The following ZFPM2 variants were observed in gnomAD, a reference collection of about 807,000 sequenced individuals.
ZFPM2 encodes zinc finger protein ZFPM2.
In ZFPM2, 20 loss-of-function variants were observed where a neutral mutation model predicts 98.6. The ratio of observed to expected loss-of-function variants is 0.20; its 90% CI spans 0.14 to 0.29. The LOEUF (loss-of-function observed/expected upper bound fraction) is 0.29. ZFPM2 is among the 10% of genes least tolerant of loss of function. The pLI, the probability that ZFPM2 is intolerant of heterozygous loss-of-function variation, is 1.00. For missense variants in ZFPM2, 1,310 were observed against 1,388.6 expected, an observed-to-expected ratio of 0.94 and a Z score of 0.90; for synonymous variants, 518 against 502.7, an observed-to-expected ratio of 1.03 and a Z score of -0.41.
In ZFPM2 at chr8:105,776,435, C is replaced by A. The variant is rs544052773; in HGVS notation, c.533-12283C>A. On this transcript the variant is annotated intron_variant, in intron 5 of 7. Coordinates refer to ENST00000407775, the MANE Select transcript of ZFPM2 (RefSeq NM_012082.4). ...GATTCTACTTTAAGCTCATTTTCAA[C>A]ATATTTGCTAAAAGAGGATACTGTA... Among the ~76,000 whole-genome samples the A allele has an allele frequency of 2.4e-3, 373 of 152,288 alleles. 1 individual carries two copies. Among genetic ancestry groups the A allele is most frequent in the Non-Finnish European group, 4.0e-3 (274 of 68,022 alleles).
chr8:105,531,955 C>T (rs74395542), intron 3 of ZFPM2, among the ~76,000 whole-genome samples: 12,906 of 152,032 alleles, frequency 0.085, 732 homozygotes, highest in African/African-American at 0.17. Flanking sequence ...GGCTGGAGTG[C>T]AGTGGTGTGA....
At chr8:105,706,724 T>C (rs1822238) in intron 5 of ZFPM2, among the ~76,000 whole-genome samples, 78,081 of 151,668 alleles carry the variant, frequency 0.51, 21,237 homozygotes, top group East Asian at 0.7. Flanking sequence ...GGACTACAGG[T>C]GTGCACCACC....
intron 3 of ZFPM2, among the ~76,000 whole-genome samples, chr8:105,491,950 T>C (rs1813364533): frequency 6.6e-6 from 1 of 152,182 alleles, no homozygotes; most frequent in African/African-American, 2.4e-5. Flanking sequence ...TTGTTGGAAA[T>C]ACAACACAAG....
intron 2 of ZFPM2, among the ~76,000 whole-genome samples, chr8:105,438,412 T>G (rs181605258): frequency 2.3e-4 from 35 of 152,372 alleles, no homozygotes; most frequent in African/African-American, 8.4e-4. Flanking sequence ...AAGAACACTT[T>G]GTATCACTTC....
chr8:105,682,683 C>CA (rs1367298438), intron 5 of ZFPM2, among the ~76,000 whole-genome samples: 1 of 152,098 alleles, frequency 6.6e-6, no homozygotes, highest in Non-Finnish European at 1.5e-5. Flanking sequence ...GGCCAGAACT[C>CA]AGTCATATGC....
intron 4 of ZFPM2, among the ~76,000 whole-genome samples, chr8:105,609,308 G>A (rs867056119): frequency 2.6e-5 from 4 of 152,020 alleles, no homozygotes; most frequent in African/African-American, 9.7e-5. Context: ...AAACAGAAGA[G>A]GAAGGGAGAA....
intron 4 of ZFPM2, among the ~76,000 whole-genome samples, chr8:105,601,351 G>A (rs1023796316): frequency 6.6e-6 from 1 of 152,020 alleles, no homozygotes; most frequent in Non-Finnish European, 1.5e-5. Context: ...AGTCTGTAAG[G>A]GGACTCCAGA....
chr8:105,624,161 C>T (rs1816607771), intron 4 of ZFPM2, among the ~76,000 whole-genome samples: 1 of 152,168 alleles, frequency 6.6e-6, no homozygotes, highest in African/African-American at 2.4e-5. Context: ...TACCACAGCT[C>T]TCTGGATCCC....
intron 1 of ZFPM2, among the ~76,000 whole-genome samples, chr8:105,393,239 C>T (rs1251647405): frequency 6.6e-6 from 1 of 151,902 alleles, no homozygotes; most frequent in African/African-American, 2.4e-5. Flanking sequence ...TAGAAGACAG[C>T]CTAATAAAAA....
rs1300470135 is a variant in ZFPM2 at position 105,801,578 on chromosome 8, CT to C, written c.1497del (p.Gln500SerfsTer18). 1 of 1,613,760 alleles carries C rather than the reference CT, an allele frequency of 6.2e-7. No individual in the cohort carries two copies. Among genetic ancestry groups the C allele is most frequent in the Non-Finnish European group, 8.5e-7 (1 of 1,179,870 alleles). The stretch of plus-strand genomic sequence containing the variant: ...TCTTTCCCTGTGGGCCCTTTCCTAT[CT>C]CAGTTTTCTTTCCCCCAAGATATCA... ...GPSFPVGPFLSQFSFPQDITM... is the reference protein window; with the variant it reads ...GPSFPVGPFLXQFSFPQDITM... On this transcript the variant is annotated frameshift_variant, in exon 8 of 8. Transcript: ENST00000407775. LOFTEE classifies it high-confidence loss of function.
intron 3 of ZFPM2, among the ~76,000 whole-genome samples, chr8:105,496,286 A>G (rs1813465620): frequency 6.6e-6 from 1 of 152,110 alleles, no homozygotes; most frequent in Non-Finnish European, 1.5e-5. Flanking sequence ...TGCTGGGATT[A>G]TGGGCCTGAA....
chr8:105,773,343 C>G (rs964695314), intron 5 of ZFPM2, among the ~76,000 whole-genome samples: 6 of 152,070 alleles, frequency 3.9e-5, no homozygotes, highest in Non-Finnish European at 8.8e-5. Context: ...GGATAGAAAT[C>G]TAGTAACCTT....
rs1813498783 is a variant in ZFPM2, at chr8:105,788,753, T to C, written c.568T>C (p.Ser190Pro). ...QLWCTTTKAI[S>P]EGEELIAFVV... is the part of the protein sequence containing the mutation. ...TTGGTGTACAACTACGAAGGCCATC[T>C]CTGAGGGTGAAGAGCTAATTGCCTT... The change falls in exon 6 of 8, where the codon TCT becomes CCT. Residue 190 changes from serine (S) to proline (P), a missense_variant. Transcript: ENST00000407775. 2.0e-5 allele frequency: 33 copies of C among 1,614,038 alleles called. No homozygotes were observed. The highest frequency in any genetic ancestry group is 2.8e-5 in the Non-Finnish European group (33 of 1,179,880).
chr8:105,646,051 GAAAAA>G (rs33913136), intron 5 of ZFPM2, among the ~76,000 whole-genome samples: 1 of 133,196 alleles, frequency 7.5e-6, no homozygotes. Flanking sequence ...ACTCCATCTG[GAAAAA>G]AAAAAAAAAA....
chr8:105,519,446 G>A (rs1157142), intron 3 of ZFPM2, among the ~76,000 whole-genome samples: 60,457 of 151,712 alleles, frequency 0.4, 14,813 homozygotes, highest in African/African-American at 0.7. Flanking sequence ...TCTCGTACCT[G>A]GGAAAAAGAA....
intron 3 of ZFPM2, among the ~76,000 whole-genome samples, chr8:105,555,109 A>G (rs373272113): frequency 1.3e-5 from 2 of 152,052 alleles, no homozygotes; most frequent in East Asian, 1.9e-4. Context: ...AAGCTATCAT[A>G]AGTCTTTGAG....
At chr8:105,786,554 C>T (rs1489097221) in intron 5 of ZFPM2, among the ~76,000 whole-genome samples, 13 of 151,602 alleles carry the variant, frequency 8.6e-5, no homozygotes, top group Admixed American at 8.5e-4. Flanking sequence ...TACGCTCTGA[C>T]TAAACCATCA....
chr8:105,557,164 T>G (rs1257519429), intron 3 of ZFPM2, among the ~76,000 whole-genome samples: 2 of 152,208 alleles, frequency 1.3e-5, no homozygotes. Flanking sequence ...TCCTAAAGTT[T>G]CTATGCCTAT....
At chr8:105,679,654 G>A (rs1229853674) in intron 5 of ZFPM2, among the ~76,000 whole-genome samples, 1 of 151,890 alleles carries the variant, frequency 6.6e-6, no homozygotes, top group Non-Finnish European at 1.5e-5. Flanking sequence ...AAAATTAGCC[G>A]AGGGTAGTGG....
Sources: allele counts gnomAD v4.1 joint callset (sites outside exome capture counted in the v4.1 genomes callset), GRCh38; gene constraint gnomAD v4.1.1; transcripts MANE v1.5; gene names NCBI Gene and HGNC (gene_info 2026-07-23, HGNC 2026-07-21).